Variants in G2E3 observed in about 807,000 individuals in gnomAD.
The protein encoded by G2E3 is G2/M phase-specific E3 ubiquitin-protein ligase.
G2E3 carries 35 observed loss-of-function variants against 92.8 expected under a neutral mutation model. The ratio of observed to expected loss-of-function variants is 0.38; its 90% CI spans 0.29 to 0.50. G2E3 has a LOEUF of 0.50. Among genes scored for constraint, G2E3 ranks in the 20% least tolerant of loss-of-function variants. The probability of loss-of-function intolerance (pLI) is 0.94; values close to 1 mark genes in which losing one functional copy is unlikely to be tolerated. For missense variants in G2E3, 554 were observed against 823.8 expected (o/e 0.67, Z 4.01); for synonymous variants, 242 against 272.4 (o/e 0.89, Z 1.10).
At chr14:30,593,065 T>TATTA (rs1355664090) in intron 5 of G2E3, among the ~76,000 whole-genome samples, 1 of 152,194 alleles carries the variant, frequency 6.6e-6, no homozygotes, top group African/African-American at 2.4e-5. Context: ...GGGAATAGGT[T>TATTA]ATTAATTGCA....
intron 12 of G2E3, among the ~76,000 whole-genome samples, chr14:30,608,512 T>G (rs1881936988): frequency 6.6e-6 from 1 of 152,180 alleles, no homozygotes; most frequent in Non-Finnish European, 1.5e-5. Context: ...GAGGTATGAA[T>G]GATAGATGGA....
chr14:30,561,275 A>G (rs1594453375), intron 1 of G2E3, among the ~76,000 whole-genome samples: 2 of 152,238 alleles, frequency 1.3e-5, no homozygotes, highest in South Asian at 4.1e-4. Flanking sequence ...TCACACAACT[A>G]GTAACACGTT....
chr14:30,584,933 G>A (rs552669769), intron 2 of G2E3, among the ~76,000 whole-genome samples: 1 of 148,572 alleles, frequency 6.7e-6, no homozygotes, highest in South Asian at 2.2e-4. Context: ...CCAGGTTCAA[G>A]CAATTCTTCT....
At chr14:30,572,423 A>G (rs189134702) in intron 1 of G2E3, among the ~76,000 whole-genome samples, 74 of 152,284 alleles carry the variant, frequency 4.9e-4, no homozygotes, top group African/African-American at 1.5e-3. Context: ...ATGATTGGAT[A>G]TTGACATTTG....
chr14:30,590,714 C>T (rs547414083), intron 4 of G2E3: 267 of 455,728 alleles, frequency 5.9e-4, no homozygotes, highest in Admixed American at 4.5e-3. Context: ...AAGGAAGAAC[C>T]GTGGGAGAAA....
At chr14:30,599,640 ATAT>A (rs1357026373) in intron 8 of G2E3, among the ~76,000 whole-genome samples, 1 of 152,226 alleles carries the variant, frequency 6.6e-6, no homozygotes, top group Non-Finnish European at 1.5e-5. Flanking sequence ...GCCCATAGTC[ATAT>A]TATTTTAATA....
chr14:30,561,793 T>C (rs1040341440), intron 1 of G2E3, among the ~76,000 whole-genome samples: 25 of 152,166 alleles, frequency 1.6e-4, no homozygotes, highest in African/African-American at 5.8e-4. Flanking sequence ...TGAGTACTTA[T>C]TATTTTAACA....
intron 1 of G2E3, among the ~76,000 whole-genome samples, chr14:30,562,062 T>TA (rs1257691044): frequency 3.3e-5 from 5 of 152,118 alleles, no homozygotes; most frequent in Non-Finnish European, 7.4e-5. Context: ...TTTTCTCACT[T>TA]AATCCTCACA....
intron 1 of G2E3, among the ~76,000 whole-genome samples, chr14:30,564,949 A>C (rs1293863024): frequency 6.6e-6 from 1 of 152,148 alleles, no homozygotes; most frequent in Non-Finnish European, 1.5e-5. Flanking sequence ...ATATGTATGC[A>C]AGTTTTTGTT....
Position 30,616,655 on chromosome 14 carries a change from T to C in G2E3, c.*121T>C, listed in dbSNP as rs229139. ...AGTTAGCTTCTTGACCTAATAAAAT[T>C]TATGATATGAATATAAAGGAATATT... is the stretch of plus-strand genomic sequence containing the variant. On this transcript the variant is annotated 3_prime_UTR_variant, in exon 15 of 15. Coordinates refer to ENST00000206595, the MANE Select transcript of G2E3 (RefSeq NM_017769.5). 2,524 of 729,772 alleles carry C rather than the reference T, an allele frequency of 3.5e-3. 53 individuals are homozygous for C. In the African/African-American group the frequency reaches 0.039, roughly 11 times the overall value. 45.2% of individuals were successfully genotyped at this position (729,772 alleles called of 1,614,324 possible).
At chr14:30,610,479 G>T (rs1386662732) in intron 12 of G2E3, among the ~76,000 whole-genome samples, 1 of 152,118 alleles carries the variant, frequency 6.6e-6, no homozygotes, top group African/African-American at 2.4e-5. Context: ...AGCCAGGTGT[G>T]GTGGCGCGCG....
chr14:30,560,623 A>G (rs1167433854), intron 1 of G2E3: 7 of 564,170 alleles, frequency 1.2e-5, no homozygotes, highest in Non-Finnish European at 2.2e-5. Context: ...GGTAATTTTT[A>G]AAAATTGATC....
intron 1 of G2E3, among the ~76,000 whole-genome samples, chr14:30,565,131 A>G (rs1879352995): frequency 6.6e-6 from 1 of 152,212 alleles, no homozygotes; most frequent in Non-Finnish European, 1.5e-5. Context: ...CATCATTAAC[A>G]CTTACTATTT....
chr14:30,589,446 G>C lies in G2E3; in HGVS notation c.199G>C (p.Glu67Gln). 6.2e-7 allele frequency: 1 copy of C among 1,601,514 alleles called. No homozygotes were observed. The highest frequency in any genetic ancestry group is 8.6e-7 in the Non-Finnish European group (1 of 1,169,228). Residue 67 changes from glutamate (E) to glutamine (Q), a missense_variant, in exon 4 of 15, where the codon GAA becomes CAA. By Grantham distance (29) the Glu-to-Gln change is conservative. Around this residue, in one of 3 missense-constraint regions of G2E3, gnomAD observed 137 missense variants for 201.3 expected, o/e 0.68. Transcript: ENST00000206595. ...EEEGVYGFLI[E>Q]DIRKEVNRAS... ...AGAAGGAGTTTATGGTTTTCTAATA[G>C]AAGATATCAGGAAGGAAGTGAATAG...
intron 12 of G2E3, among the ~76,000 whole-genome samples, chr14:30,608,302 A>G (rs73264362): frequency 0.017 from 2,557 of 152,270 alleles, 90 homozygotes; most frequent in African/African-American, 0.058. Flanking sequence ...GGATAATGTG[A>G]TTTTGGTCTG....
chr14:30,609,060 G>T (rs1881967875), intron 12 of G2E3, among the ~76,000 whole-genome samples: 1 of 152,066 alleles, frequency 6.6e-6, no homozygotes, highest in Admixed American at 6.6e-5. Flanking sequence ...GTGTCACTTT[G>T]GGCATATTAA....
At chr14:30,569,391 C>G (rs1879625168) in intron 1 of G2E3, among the ~76,000 whole-genome samples, 1 of 152,174 alleles carries the variant, frequency 6.6e-6, no homozygotes, top group Non-Finnish European at 1.5e-5. Context: ...GCAAGGAGTT[C>G]AAACACAGAA....
chr14:30,616,599 C>T lies in G2E3; in HGVS notation c.*65C>T, dbSNP rs1397567418. Reference sequence around the variant, plus strand: ...CTATTGATAACTCTCTTTTATTTCACTAACCTTTTCATCATCACTTTGAAC... The same window carrying T: ...CTATTGATAACTCTCTTTTATTTCATTAACCTTTTCATCATCACTTTGAAC... On this transcript the variant is annotated 3_prime_UTR_variant, in exon 15 of 15. Transcript: ENST00000206595. The T allele has an allele frequency of 8.5e-7, 1 of 1,181,252 alleles. No individual in the cohort carries two copies. Among genetic ancestry groups the T allele is most frequent in the Non-Finnish European group, 1.2e-6 (1 of 820,476 alleles). 73.2% of individuals were successfully genotyped at this position (1,181,252 alleles called of 1,614,324 possible). A position where few individuals can be genotyped will look rare whatever the true frequency, so the allele number is the denominator to read the frequency against.
At chr14:30,584,957 G>A (rs191320198) in intron 2 of G2E3, among the ~76,000 whole-genome samples, 61 of 150,406 alleles carry the variant, frequency 4.1e-4, no homozygotes, top group Admixed American at 8.7e-4. Flanking sequence ...TCAGCCTCCC[G>A]AGTAGCTGGG....
Sources: allele counts gnomAD v4.1 joint callset (sites outside exome capture counted in the v4.1 genomes callset), GRCh38; gene constraint gnomAD v4.1.1; regional missense constraint gnomAD v4.1.1; transcripts MANE v1.5; gene names NCBI Gene and HGNC (gene_info 2026-07-23, HGNC 2026-07-21).